The following GRB10 variants were observed in gnomAD, a reference collection of about 807,000 sequenced individuals.
GRB10 encodes the protein growth factor receptor bound protein 10.
In GRB10, 20 loss-of-function variants were observed where a neutral mutation model predicts 80.9. That is an observed-to-expected ratio of 0.25 (90% CI 0.17 to 0.36). The LOEUF is 0.36. GRB10 is among the 10% of genes least tolerant of loss of function. The pLI, the probability that GRB10 is intolerant of heterozygous loss-of-function variation, is 1.00. For missense variants in GRB10, 548 were observed against 747.7 expected, an observed-to-expected ratio of 0.73 and a Z score of 3.12; for synonymous variants, 291 against 291.5, an observed-to-expected ratio of 1.00 and a Z score of 0.02.
chr7:50,706,995 C>T (rs541100781), intron 4 of GRB10, among the ~76,000 whole-genome samples: 2 of 152,348 alleles, frequency 1.3e-5, no homozygotes, highest in African/African-American at 4.8e-5. Flanking sequence ...AGTTCATTCA[C>T]ATTTGTAGCA....
chr7:50,793,299 C>T (rs1393159573), exon 1 of GRB10: 3 of 146,214 alleles, frequency 2.1e-5, no homozygotes, highest in Non-Finnish European at 4.6e-5. Flanking sequence ...GGCGCGGGTC[C>T]CCGCGGGGCG....
intron 2 of GRB10, among the ~76,000 whole-genome samples, chr7:50,761,260 T>C (rs971614395): frequency 6.6e-6 from 1 of 152,178 alleles, no homozygotes; most frequent in Non-Finnish European, 1.5e-5. Flanking sequence ...ATTTCTACCA[T>C]AAGGAAAAAA....
chr7:50,713,495 C>G (rs924189070), intron 4 of GRB10, among the ~76,000 whole-genome samples: 5 of 151,574 alleles, frequency 3.3e-5, no homozygotes, highest in Admixed American at 2.6e-4. Context: ...TCTACCATCT[C>G]CACCATCTCC....
At chr7:50,649,696 A>G (rs1380479578) in intron 7 of GRB10, among the ~76,000 whole-genome samples, 2 of 152,000 alleles carry the variant, frequency 1.3e-5, no homozygotes, top group Non-Finnish European at 2.9e-5. Flanking sequence ...CCAGGCTGGG[A>G]CTGGAGATGG....
At chr7:50,610,024 T>C (rs1223652170) in intron 13 of GRB10, among the ~76,000 whole-genome samples, 1 of 152,178 alleles carries the variant, frequency 6.6e-6, no homozygotes, top group Non-Finnish European at 1.5e-5. Context: ...CTTTCCATGG[T>C]TGATATGAAG....
chr7:50,631,460 A>G (rs932579754), intron 7 of GRB10, among the ~76,000 whole-genome samples: 1 of 152,180 alleles, frequency 6.6e-6, no homozygotes, highest in Non-Finnish European at 1.5e-5. Context: ...TCTTGCGACC[A>G]GTTTCATCCC....
intron 4 of GRB10, among the ~76,000 whole-genome samples, chr7:50,728,986 T>C (rs2069149546): frequency 6.6e-6 from 1 of 152,188 alleles, no homozygotes; most frequent in South Asian, 2.1e-4. Flanking sequence ...TAAAACTTTA[T>C]CTGCAAAAGC....
At chr7:50,635,961 C>T (rs1586087339) in intron 7 of GRB10, among the ~76,000 whole-genome samples, 14 of 104,250 alleles carry the variant, frequency 1.3e-4, no homozygotes, top group East Asian at 2.8e-4. Context: ...TTTTTCCTTT[C>T]CTTTTTTTTT....
chr7:50,595,422 A>G lies in GRB10; in HGVS notation c.1638+15T>C, dbSNP rs778813008. ...AACAAACCACAAGGACTGGTCTGAG[A>G]ACATCAATACTTACAGGTAAGATCT... On this transcript the variant is annotated intron_variant, in intron 18 of 18. Transcript: ENST00000401949. 17 of 1,333,978 alleles carry G rather than the reference A, an allele frequency of 1.3e-5. No homozygotes were observed. Among genetic ancestry groups the G allele is most frequent in the African/African-American group, 1.0e-4 (7 of 69,484 alleles). The allele number at this position is 1,333,978 out of a possible 1,614,324, so 82.6% of individuals were successfully genotyped here.
At chr7:50,615,504 C>A (rs998915808) in intron 11 of GRB10, among the ~76,000 whole-genome samples, 2 of 152,168 alleles carry the variant, frequency 1.3e-5, no homozygotes, top group Admixed American at 6.5e-5. Flanking sequence ...TTCCCAGAGC[C>A]GGCCCCAACA....
intron 7 of GRB10, among the ~76,000 whole-genome samples, chr7:50,641,347 G>T (rs1358356681): frequency 2.0e-5 from 3 of 152,020 alleles, no homozygotes; most frequent in Admixed American, 6.6e-5. Flanking sequence ...GCTGGTGACT[G>T]TTCAAGTCTT....
intron 7 of GRB10, among the ~76,000 whole-genome samples, chr7:50,632,512 G>A (rs1475240747): frequency 6.6e-6 from 1 of 152,304 alleles, no homozygotes; most frequent in African/African-American, 2.4e-5. Context: ...AGAGTGTGGC[G>A]CAGGTTCAAG....
intron 10 of GRB10, 97 bp downstream of exon 10, chr7:50,617,974 G>A (rs1256960850): frequency 3.0e-6 from 3 of 1,012,386 alleles, no homozygotes; most frequent in African/African-American, 1.6e-5. Context: ...GGTGAAAGAT[G>A]CGATCTCTTT....
chr7:50,623,719 A>C (rs1009748915), intron 8 of GRB10, among the ~76,000 whole-genome samples: 3 of 152,226 alleles, frequency 2.0e-5, no homozygotes, highest in African/African-American at 4.8e-5. Context: ...TGGGTATAGA[A>C]AAGGTTTAAT....
intron 5 of GRB10, among the ~76,000 whole-genome samples, chr7:50,677,406 G>A (rs886257780): frequency 5.9e-5 from 9 of 152,122 alleles, no homozygotes; most frequent in African/African-American, 9.7e-5. Flanking sequence ...TGAGCTACCC[G>A]AGGCCCAGAA....
At chr7:50,632,271 T>C (rs953808128) in intron 7 of GRB10, among the ~76,000 whole-genome samples, 6 of 152,214 alleles carry the variant, frequency 3.9e-5, no homozygotes, top group African/African-American at 1.2e-4. Context: ...TGTTCAATTA[T>C]AGTGACTCAA....
At chr7:50,761,862 T>C (rs1462461410) in intron 2 of GRB10, 1 of 152,124 alleles carries the variant, frequency 6.6e-6, no homozygotes, top group Non-Finnish European at 1.5e-5. Flanking sequence ...AGAGACCTGG[T>C]TGTTTAAGTG....
intron 17 of GRB10, among the ~76,000 whole-genome samples, chr7:50,597,594 G>A (rs1378596747): frequency 3.3e-5 from 5 of 152,268 alleles, no homozygotes; most frequent in African/African-American, 1.2e-4. Flanking sequence ...AGCTACAGAC[G>A]AGTGAATGGC....
intron 5 of GRB10, among the ~76,000 whole-genome samples, chr7:50,685,082 A>C (rs1563436277): frequency 6.6e-6 from 1 of 152,220 alleles, no homozygotes; most frequent in Non-Finnish European, 1.5e-5. Flanking sequence ...AATCTTTACC[A>C]TCACATCCAA....
Sources: allele counts gnomAD v4.1 joint callset (sites outside exome capture counted in the v4.1 genomes callset), GRCh38; gene constraint gnomAD v4.1.1; transcripts MANE v1.5; gene names NCBI Gene and HGNC (gene_info 2026-07-23, HGNC 2026-07-21).